Variants in IL1RAPL1 observed in about 807,000 individuals in gnomAD.
IL1RAPL1 encodes interleukin 1 receptor accessory protein like 1, also known as interleukin-1 receptor accessory protein-like 1.
A neutral mutation model predicts 48.4 loss-of-function variants in IL1RAPL1; 3 were observed. The ratio of observed to expected loss-of-function variants is 0.06; its 90% confidence interval spans 0.03 to 0.16. The LOEUF (loss-of-function observed/expected upper bound fraction) is 0.16, where lower values mean the gene tolerates loss of function less well. IL1RAPL1 is among the 10% of genes least tolerant of loss of function. The pLI, the probability that IL1RAPL1 is intolerant of heterozygous loss-of-function variation, is 1.00. For synonymous variants in IL1RAPL1, 185 were observed against 187.7 expected, an observed-to-expected ratio of 0.99 and a Z score of 0.12; for missense variants, 349 against 530.6, an observed-to-expected ratio of 0.66 and a Z score of 3.36.
chrX:28,617,379 A>T (rs1299005094), intron 1 of IL1RAPL1, among the ~76,000 whole-genome samples: 3 of 111,633 alleles, frequency 2.7e-5, no homozygotes, highest in African/African-American at 9.8e-5. Context: ...AAAATGAAGG[A>T]TTGTATGATA....
intron 2 of IL1RAPL1, among the ~76,000 whole-genome samples, chrX:28,922,974 A>T (rs943534390): frequency 8.9e-6 from 1 of 112,002 alleles, no homozygotes; most frequent in Non-Finnish European, 1.9e-5. Flanking sequence ...TAAATTAAAT[A>T]CTTGGGAGTA....
At chrX:29,057,935 A>C (rs1041613557) in intron 2 of IL1RAPL1, among the ~76,000 whole-genome samples, 8 of 111,757 alleles carry the variant, frequency 7.2e-5, no homozygotes, top group Non-Finnish European at 1.3e-4. Flanking sequence ...CCTGTTCCCT[A>C]TTTAAGCTTT....
At chrX:29,250,390 G>A (rs1003503443) in intron 2 of IL1RAPL1, among the ~76,000 whole-genome samples, 1 of 111,740 alleles carries the variant, frequency 8.9e-6, no homozygotes, top group African/African-American at 3.3e-5. Context: ...CCACCTTTCA[G>A]AAGAGTGAAG....
At chrX:28,785,119 G>C (rs1936461442) in intron 1 of IL1RAPL1, among the ~76,000 whole-genome samples, 1 of 111,717 alleles carries the variant, frequency 9.0e-6, no homozygotes, top group African/African-American at 3.3e-5. Flanking sequence ...TCTTAACTCT[G>C]ATACCAGTTG....
intron 6 of IL1RAPL1, among the ~76,000 whole-genome samples, chrX:29,766,981 G>A (rs912532355): frequency 2.0e-4 from 22 of 109,788 alleles, no homozygotes; most frequent in African/African-American, 5.3e-4. Context: ...TACACAGTCC[G>A]TATTCACATT....
chrX:29,529,785 G>A (rs1422720617), intron 5 of IL1RAPL1, among the ~76,000 whole-genome samples: 1 of 110,790 alleles, frequency 9.0e-6, no homozygotes, highest in Admixed American at 9.7e-5. Context: ...TCGTGGTTCA[G>A]AAAAAAATAC....
intron 2 of IL1RAPL1, among the ~76,000 whole-genome samples, chrX:28,980,600 T>C (rs1180414176): frequency 8.9e-6 from 1 of 112,071 alleles, no homozygotes; most frequent in Non-Finnish European, 1.9e-5. Flanking sequence ...TAGATTTGAC[T>C]TTTTAAGTGA....
rs765074686 is a variant in IL1RAPL1, at chrX:29,545,233, A to G, written c.704-123197A>G. ...TATCTATCTATCTATCTATCTATCT[A>G]TCTATCTATTGGACAACAAATGTTC... On this transcript the variant is annotated intron_variant, in intron 5 of 10. Coordinates refer to ENST00000378993, the MANE Select transcript of IL1RAPL1 (RefSeq NM_014271.4). Among the ~76,000 whole-genome samples, 353 of 94,091 alleles carry G rather than the reference A, an allele frequency of 3.8e-3. 1 individual carries two copies. The highest frequency in any genetic ancestry group is 6.5e-3 in the Non-Finnish European group (298 of 46,121). 81.7% of individuals were successfully genotyped at this position (94,091 alleles called of 115,157 possible).
At chrX:28,909,495 CCTT>C (rs1601954548) in intron 2 of IL1RAPL1, among the ~76,000 whole-genome samples, 2 of 111,329 alleles carry the variant, frequency 1.8e-5, no homozygotes, top group Admixed American at 9.6e-5. Flanking sequence ...TCATTAACCT[CCTT>C]ATTTCCTTTT....
At chrX:28,936,960 T>G (rs969909191) in intron 2 of IL1RAPL1, among the ~76,000 whole-genome samples, 1 of 111,352 alleles carries the variant, frequency 9.0e-6, no homozygotes, top group Non-Finnish European at 1.9e-5. Flanking sequence ...GTTTTACATA[T>G]TTTTTCCTTT....
At chrX:29,789,368 T>G (rs182143780) in intron 6 of IL1RAPL1, among the ~76,000 whole-genome samples, 2 of 111,804 alleles carry the variant, frequency 1.8e-5, no homozygotes, top group African/African-American at 6.5e-5. Flanking sequence ...CCTAGTGCAG[T>G]TGTCCCCTTA....
chrX:29,072,984 G>T (rs1208561578), intron 2 of IL1RAPL1, among the ~76,000 whole-genome samples: 1 of 111,731 alleles, frequency 9.0e-6, no homozygotes, highest in African/African-American at 3.3e-5. Flanking sequence ...ACAAGACTGT[G>T]CTTTCACAGT....
chrX:29,814,728 A>G (rs984489046), intron 6 of IL1RAPL1, among the ~76,000 whole-genome samples: 1 of 112,201 alleles, frequency 8.9e-6, no homozygotes, highest in Non-Finnish European at 1.9e-5. Context: ...ACATTTAAAT[A>G]TTTAATCCTT....
At chrX:29,608,742 T>G (rs58892736) in intron 5 of IL1RAPL1, among the ~76,000 whole-genome samples, 1 of 97,049 alleles carries the variant, frequency 1.0e-5, no homozygotes, top group Non-Finnish European at 2.0e-5. Flanking sequence ...AGGAGAATGG[T>G]GTGAACCTGG....
At position 29,802,799 on chromosome X, in the gene IL1RAPL1, A is replaced by G. The variant is rs6630964; in HGVS notation, c.779-114665A>G. Among the ~76,000 whole-genome samples, 22 of 48,198 alleles carry G rather than the reference A, an allele frequency of 4.6e-4. 1 individual carries two copies. Among genetic ancestry groups the G allele is most frequent in the African/African-American group, 2.0e-3 (18 of 8,819 alleles). The allele number at this position is 48,198 out of a possible 115,157, so 41.9% of individuals were successfully genotyped here. On this transcript the variant is annotated intron_variant, in intron 6 of 10. Transcript: ENST00000378993. The stretch of plus-strand genomic sequence containing the variant: ...TATATATATGTGTGTGTGTATATAT[A>G]TATATATATATGTGTGTATATATAT...
At chrX:28,712,173 C>A (rs141015269) in intron 1 of IL1RAPL1, among the ~76,000 whole-genome samples, 1 of 110,662 alleles carries the variant, frequency 9.0e-6, no homozygotes. Context: ...TCCTTGAGGG[C>A]CACAGTCATG....
chrX:29,242,223 T>A (rs941930638), intron 2 of IL1RAPL1, among the ~76,000 whole-genome samples: 2 of 112,898 alleles, frequency 1.8e-5, no homozygotes, highest in African/African-American at 6.4e-5. Context: ...ATGCTTTGTA[T>A]GTGCTAAACA....
intron 6 of IL1RAPL1, among the ~76,000 whole-genome samples, chrX:29,775,679 C>T: frequency 9.0e-6 from 1 of 111,347 alleles, no homozygotes; most frequent in East Asian, 2.8e-4. Flanking sequence ...TCTGAGGGAA[C>T]ACTTCTCTGA....
At position 29,856,721 on chromosome X, in the gene IL1RAPL1, T is replaced by A. The variant is rs766433895; in HGVS notation, c.779-60743T>A. Among the ~76,000 whole-genome samples, 4 of 111,918 alleles carry A rather than the reference T, an allele frequency of 3.6e-5. No homozygotes were observed. The South Asian group carries it at 1.5e-3, about 41-fold the overall frequency. ...ATATTTCTCGACTATACCTAAAGGG[T>A]TATAAATTGTATACTACAATCAGCC... On this transcript the variant is annotated intron_variant, in intron 6 of 10. Transcript: ENST00000378993.
Sources: gnomAD v4.1 joint callset for allele counts (sites outside exome capture counted in the v4.1 genomes callset) on GRCh38, gnomAD v4.1.1 for gene constraint, MANE v1.5 for transcripts, NCBI Gene and HGNC (gene_info 2026-07-23, HGNC 2026-07-21) for gene names.